The following ZNF670 variants were observed in gnomAD, a reference collection of about 807,000 sequenced individuals.
ZNF670 encodes zinc finger protein 670.
A neutral mutation model predicts 10.9 loss-of-function variants in ZNF670; 7 were observed. The ratio of observed to expected loss-of-function variants is 0.64; its 90% CI spans 0.36 to 1.20. The LOEUF (loss-of-function observed/expected upper bound fraction) is 1.20, where lower values mean the gene tolerates loss of function less well. ZNF670 is among the 50% of genes most tolerant of loss of function. The probability of loss-of-function intolerance (pLI) is 0.02; values close to 1 mark genes in which losing one functional copy is unlikely to be tolerated. For missense variants in ZNF670, 446 were observed against 458.6 expected (o/e 0.97, Z 0.25); for synonymous variants, 136 against 152.7 (o/e 0.89, Z 0.81).
intron 1 of ZNF670, among the ~76,000 whole-genome samples, chr1:247,076,231 C>A (rs1243967953): frequency 6.6e-6 from 1 of 151,894 alleles, no homozygotes; most frequent in Non-Finnish European, 1.5e-5. Flanking sequence ...CCAGGAGACA[C>A]TGTACTGTGC....
chr1:247,037,962 A>G lies in ZNF670; in HGVS notation c.657T>C (p.His219=), dbSNP rs1201031161. 9.3e-6 allele frequency: 15 copies of G among 1,613,520 alleles called. No homozygotes were observed. Among genetic ancestry groups the G allele is most frequent in the Non-Finnish European group, 1.1e-5 (13 of 1,179,862 alleles). ...TACATGCATAGGGTTTCTCTCCAGT[A>G]TGAGTTCTTTCATGTTCACGAAGAT... ...SSYLREHERT[H]TGEKPYACKK... Residue 219 remains histidine, a synonymous_variant, in exon 4 of 4, where the codon CAT becomes CAC. Coordinates refer to ENST00000366503, the MANE Select transcript of ZNF670 (RefSeq NM_033213.5).
chr1:247,049,210 G>A (rs1158689192), intron 1 of ZNF670, among the ~76,000 whole-genome samples: 1 of 148,866 alleles, frequency 6.7e-6, no homozygotes, highest in Non-Finnish European at 1.5e-5. Context: ...TGATTCCCCT[G>A]CCTCAGCCTC....
rs1558348452 is a variant in ZNF670, at chr1:247,072,833, T to TACACACAC, written c.3+5760_3+5761insGTGTGTGT. 7.6e-4 allele frequency among the ~76,000 whole-genome samples: 74 copies of TACACACAC among 97,952 alleles called. 2 individuals carry two copies. The highest frequency in any genetic ancestry group is 2.3e-3 in the Admixed American group (23 of 10,066). The allele number at this position is 97,952 out of a possible 152,430, so 64.3% of individuals were successfully genotyped here. A position where few individuals can be genotyped will look rare whatever the true frequency, so the allele number is the denominator to read the frequency against. ...ATATATATATATATATATATATATATATATATGCATACACACACATACACA... is the reference window on the plus strand; with the variant it reads ...ATATATATATATATATATATATATATACACACACATATATGCATACACACACATACACA... On this transcript the variant is annotated intron_variant, in intron 1 of 3. Transcript: ENST00000366503.
intron 1 of ZNF670, among the ~76,000 whole-genome samples, chr1:247,072,804 G>GTATATACATATATA (rs1671159137): frequency 2.1e-5 from 1 of 47,664 alleles, no homozygotes; most frequent in Admixed American, 2.7e-4. Context: ...AAAAGTGTGT[G>GTATATACATATATA]TATATATATA....
At position 247,037,378 on chromosome 1, in the gene ZNF670, A is replaced by T; in HGVS notation, c.*71T>A. 2.0e-6 allele frequency: 3 copies of T among 1,484,354 alleles called. No homozygotes were observed. The highest frequency in any genetic ancestry group is 2.7e-6 in the Non-Finnish European group (3 of 1,114,714). The allele number at this position is 1,484,354 out of a possible 1,614,324, so 91.9% of individuals were successfully genotyped here. ...GTTTTTAATTTTTTCACGTGTTCTA[A>T]TGAAACTAGAATAACTGAAAGCTTT... On this transcript the variant is annotated 3_prime_UTR_variant, in exon 4 of 4. Coordinates refer to ENST00000366503, the MANE Select transcript of ZNF670 (RefSeq NM_033213.5).
intron 1 of ZNF670, chr1:247,043,678 C>T: frequency 2.0e-6 from 1 of 499,472 alleles, no homozygotes; most frequent in Non-Finnish European, 3.9e-6. Context: ...AGGACTGTTT[C>T]CACGATGGGG....
chr1:247,054,775 G>A (rs1483153917), intron 1 of ZNF670, among the ~76,000 whole-genome samples: 1 of 151,944 alleles, frequency 6.6e-6, no homozygotes, highest in African/African-American at 2.4e-5. Context: ...GAAAAGCAGA[G>A]TAAAAAGTAA....
Position 247,037,650 on chromosome 1 carries a change from G to T in ZNF670, c.969C>A (p.Asn323Lys). 1 of 1,613,808 alleles carries T rather than the reference G, an allele frequency of 6.2e-7. No individual in the cohort carries two copies. Among genetic ancestry groups the T allele is most frequent in the Non-Finnish European group, 8.5e-7 (1 of 1,179,930 alleles). ...TGTGAGTTCTTTCATGCTCACATAG[G>T]TTACTAGAATATTTGAAGGCTTTAC... ...QCGKAFKYSSNLCEHERTHTG... is the reference protein window; with the variant it reads ...QCGKAFKYSSKLCEHERTHTG... Residue 323 changes from asparagine (N) to lysine (K), a missense_variant, in exon 4 of 4, where the codon AAC becomes AAA. By Grantham distance (94) the Asn-to-Lys change is moderately conservative. Transcript: ENST00000366503.
intron 1 of ZNF670, among the ~76,000 whole-genome samples, chr1:247,062,059 G>C (rs1670871729): frequency 6.6e-6 from 1 of 152,182 alleles, no homozygotes; most frequent in South Asian, 2.1e-4. Context: ...TTGTCCCGTA[G>C]GATGCAGCAC....
At chr1:247,047,402 G>C (rs1670476451) in intron 1 of ZNF670, among the ~76,000 whole-genome samples, 1 of 151,242 alleles carries the variant, frequency 6.6e-6, no homozygotes, top group Non-Finnish European at 1.5e-5. Context: ...ACTTGGCTTT[G>C]TGTGGGGATT....
chr1:247,061,312 C>T (rs1670854878), intron 1 of ZNF670, among the ~76,000 whole-genome samples: 2 of 151,778 alleles, frequency 1.3e-5, no homozygotes, highest in African/African-American at 4.8e-5. Flanking sequence ...TCCCAAGTAG[C>T]TGGGATTACA....
chr1:247,069,278 T>G (rs1256444437), intron 1 of ZNF670, among the ~76,000 whole-genome samples: 1 of 150,922 alleles, frequency 6.6e-6, no homozygotes, highest in Admixed American at 6.6e-5. Context: ...AAACATCTCA[T>G]GTAATCCATA....
intron 1 of ZNF670, among the ~76,000 whole-genome samples, chr1:247,055,870 T>A (rs1670702811): frequency 6.6e-6 from 1 of 152,086 alleles, no homozygotes; most frequent in South Asian, 2.1e-4. Context: ...TATACTTATA[T>A]CAGATGAAAT....
rs1445685793 is a variant in ZNF670, at chr1:247,036,086, ATATATT to A, written c.*1357_*1362del. ...GACAAATTTCACCCAGATAACCATA[ATATATT>A]TATATCTGAAAGCCAGTTAACGTAA... On this transcript the variant is annotated 3_prime_UTR_variant, in exon 4 of 4. Transcript: ENST00000366503. 6.6e-6 allele frequency among the ~76,000 whole-genome samples: 1 copy of A among 152,196 alleles called. No individual in the cohort carries two copies. Among genetic ancestry groups the A allele is most frequent in the Non-Finnish European group, 1.5e-5 (1 of 68,038 alleles).
intron 1 of ZNF670, among the ~76,000 whole-genome samples, chr1:247,066,119 G>C (rs1670974799): frequency 6.6e-6 from 1 of 152,230 alleles, no homozygotes; most frequent in South Asian, 2.1e-4. Context: ...ACCAGACACA[G>C]TCAGGACGAT....
At position 247,038,242 on chromosome 1, in the gene ZNF670, A is replaced by C. The variant is rs143504496; in HGVS notation, c.377T>G (p.Ile126Ser). 1 of 1,614,170 alleles carries C rather than the reference A, an allele frequency of 6.2e-7. No homozygotes were observed. The highest frequency in any genetic ancestry group is 1.1e-5 in the South Asian group (1 of 91,082). The change falls in exon 4 of 4, where the codon ATT (isoleucine) becomes AGT (serine). Residue 126 changes from isoleucine to serine, a missense_variant. Coordinates refer to ENST00000366503, the MANE Select transcript of ZNF670 (RefSeq NM_033213.5). The stretch of plus-strand genomic sequence containing the variant: ...CTCACACTCAAATAGTTTGTTTCCA[A>C]TGTGAGACAGGATGTGCCTATGAAG... ...SALHRHILSH[I>S]GNKLFECEEC...
chr1:247,063,136 CA>C (rs1374571351), intron 1 of ZNF670, among the ~76,000 whole-genome samples: 2 of 152,116 alleles, frequency 1.3e-5, no homozygotes, highest in African/African-American at 2.4e-5. Context: ...TGTTCAGAAA[CA>C]AATCAAATGT....
intron 1 of ZNF670, among the ~76,000 whole-genome samples, chr1:247,053,734 A>T (rs1335067893): frequency 1.3e-5 from 2 of 152,242 alleles, no homozygotes; most frequent in East Asian, 3.8e-4. Context: ...ACGCTGAAAA[A>T]TTTAAAAACA....
intron 1 of ZNF670, among the ~76,000 whole-genome samples, chr1:247,071,900 C>T (rs1162630511): frequency 6.6e-6 from 1 of 150,772 alleles, no homozygotes; most frequent in Non-Finnish European, 1.5e-5. Flanking sequence ...CTCTGTTGCC[C>T]AGGCTGGAGT....
Sources: allele counts gnomAD v4.1 joint callset (sites outside exome capture counted in the v4.1 genomes callset), GRCh38; gene constraint gnomAD v4.1.1; transcripts MANE v1.5; gene names NCBI Gene and HGNC (gene_info 2026-07-23, HGNC 2026-07-21).